The following NCOA2 variants were observed in gnomAD, a reference collection of about 807,000 sequenced individuals.
NCOA2 encodes nuclear receptor coactivator 2, also known as class E basic helix-loop-helix protein 75.
NCOA2 carries 21 observed loss-of-function variants against 145.1 expected under a neutral mutation model. The ratio of observed to expected loss-of-function variants is 0.14; its 90% CI spans 0.10 to 0.21. NCOA2 has a LOEUF of 0.21. Among genes scored for constraint, NCOA2 ranks in the 10% least tolerant of loss-of-function variants. The pLI, the probability that NCOA2 is intolerant of heterozygous loss-of-function variation, is 1.00. For missense variants in NCOA2, 1,472 were observed against 1,837.6 expected (o/e 0.80, Z 3.64); for synonymous variants, 619 against 637.5 (o/e 0.97, Z 0.44).
chr8:70,416,646 A>G, the NCOA2 span, among the ~76,000 whole-genome samples: 4 of 152,356 alleles, frequency 2.6e-5, no homozygotes, highest in African/African-American at 9.6e-5. Flanking sequence ...TATAATGAAG[A>G]GAAATGTATT....
Position 70,216,749 on chromosome 8 carries a change from G to C in NCOA2, c.-4C>G. 2 of 1,604,586 alleles carry C rather than the reference G, an allele frequency of 1.2e-6. No individual in the cohort carries two copies. Among genetic ancestry groups the C allele is most frequent in the Non-Finnish European group, 1.7e-6 (2 of 1,171,606 alleles). ...TATTTTCTCCCATCCCACTCATCTT[G>C]AACACATATCAGCAACTAAAACAGA... On this transcript the variant is annotated 5_prime_UTR_variant, in exon 3 of 23. The change creates a premature stop within an existing upstream ORF in the 5' untranslated region. Coordinates refer to ENST00000452400, the MANE Select transcript of NCOA2 (RefSeq NM_006540.4).
At chr8:70,351,858 C>T (rs1809277609) in intron 1 of NCOA2, among the ~76,000 whole-genome samples, 1 of 150,820 alleles carries the variant, frequency 6.6e-6, no homozygotes, top group Admixed American at 6.6e-5. Context: ...GCTAGGACTA[C>T]AGGTGTGAGC....
rs1823408401 is a variant in NCOA2 at position 70,253,859 on chromosome 8, T to C, written c.-19-37095A>G. ...AGGATTTGGTATTTCTTATATATGATACCAAAAGCATGGGCAATAAAAGAA... is the reference window on the plus strand; with the variant it reads ...AGGATTTGGTATTTCTTATATATGACACCAAAAGCATGGGCAATAAAAGAA... On this transcript the variant is annotated intron_variant, in intron 2 of 22. Coordinates refer to ENST00000452400, the MANE Select transcript of NCOA2 (RefSeq NM_006540.4). Among the ~76,000 whole-genome samples the C allele has an allele frequency of 2.0e-5, 3 of 152,116 alleles. No homozygotes were observed. The South Asian group carries it at 6.2e-4, about 32-fold the overall frequency.
At chr8:70,153,007 T>TGA (rs1425721247) in intron 11 of NCOA2, among the ~76,000 whole-genome samples, 2 of 152,196 alleles carry the variant, frequency 1.3e-5, no homozygotes, top group Non-Finnish European at 2.9e-5. Context: ...ACAGTGAAGG[T>TGA]GAGCAAGAGG....
intron 10 of NCOA2, 114 bp downstream of exon 10, chr8:70,159,388 TGGG>T (rs1263748974): frequency 2.2e-6 from 2 of 918,380 alleles, no homozygotes; most frequent in Non-Finnish European, 3.2e-6. Flanking sequence ...TTTACATTAC[TGGG>T]ATTGATGAGA....
At chr8:70,124,625 A>G in intron 20 of NCOA2, 63 bp downstream of exon 20, 1 of 1,471,222 alleles carries the variant, frequency 6.8e-7, no homozygotes, top group Non-Finnish European at 9.1e-7. Flanking sequence ...GCAGGCATGA[A>G]GGTGGGGGAT....
chr8:70,269,894 C>G (rs1824907233), intron 2 of NCOA2, among the ~76,000 whole-genome samples: 1 of 152,100 alleles, frequency 6.6e-6, no homozygotes, highest in African/African-American at 2.4e-5. Context: ...TTTACTGAAA[C>G]CTAATTATGA....
the NCOA2 span, among the ~76,000 whole-genome samples, chr8:70,435,774 G>A: frequency 6.7e-6 from 1 of 148,734 alleles, no homozygotes; most frequent in Non-Finnish European, 1.5e-5. Flanking sequence ...ATTTTATCTT[G>A]TTACATTTAT....
intron 1 of NCOA2, among the ~76,000 whole-genome samples, chr8:70,366,252 G>A (rs1239522483): frequency 6.6e-6 from 1 of 152,104 alleles, no homozygotes; most frequent in African/African-American, 2.4e-5. Flanking sequence ...TCCCAAAAGT[G>A]AAGTATGTGG....
At chr8:70,301,942 AG>A (rs1827540763) in intron 1 of NCOA2, among the ~76,000 whole-genome samples, 1 of 152,200 alleles carries the variant, frequency 6.6e-6, no homozygotes, top group Admixed American at 6.5e-5. Context: ...CAATAGTTCC[AG>A]CCAAGCACAT....
In NCOA2 at chr8:70,156,403, G is replaced by A. The variant is rs1265152027; in HGVS notation, c.1962C>T (p.Pro654=). 1.2e-6 allele frequency: 2 copies of A among 1,613,980 alleles called. No homozygotes were observed. The highest frequency in any genetic ancestry group is 2.2e-5 in the South Asian group (2 of 91,080). The part of the protein sequence containing the change: ...LLTTKSDQME[P]SPLASSLSDT... Reference sequence around the variant, plus strand: ...CCGACAAAGAGCTGGCTAAGGGCGAGGGCTCCATCTGATCAGATTTGGTGG... The same window carrying A: ...CCGACAAAGAGCTGGCTAAGGGCGAAGGCTCCATCTGATCAGATTTGGTGG... The change falls in exon 11 of 23, where the codon CCC becomes CCT. Residue 654 remains proline (P), a synonymous_variant. Transcript: ENST00000452400.
rs115895512 is a variant in NCOA2 at position 70,325,499 on chromosome 8, C to G, written c.-76-28699G>C. ...AGTACAGTGGCGTAATCTCGGCACA[C>G]TGCAGCCTCAACCTCCTCTGGCTCA... On this transcript the variant is annotated intron_variant, in intron 1 of 22. Coordinates refer to ENST00000452400, the MANE Select transcript of NCOA2 (RefSeq NM_006540.4). Among the ~76,000 whole-genome samples, 897 of 151,982 alleles carry G rather than the reference C, an allele frequency of 5.9e-3. 5 individuals carry two copies. Among genetic ancestry groups the G allele is most frequent in the African/African-American group, 0.02 (837 of 41,422 alleles).
intron 22 of NCOA2, among the ~76,000 whole-genome samples, chr8:70,116,925 G>A (rs1807208520): frequency 6.6e-6 from 1 of 152,214 alleles, no homozygotes; most frequent in South Asian, 2.1e-4. Flanking sequence ...CTGTTCACAG[G>A]TGTAGTCATA....
intron 1 of NCOA2, among the ~76,000 whole-genome samples, chr8:70,347,987 A>G (rs1015619334): frequency 3.9e-5 from 6 of 152,254 alleles, no homozygotes; most frequent in Non-Finnish European, 8.8e-5. Flanking sequence ...ATTATTTTCA[A>G]TCAATATTTC....
chr8:70,245,796 A>AG (rs1309721494), intron 2 of NCOA2, among the ~76,000 whole-genome samples: 2 of 152,114 alleles, frequency 1.3e-5, no homozygotes, highest in African/African-American at 4.8e-5. Flanking sequence ...ATGAACAGTG[A>AG]GGGGCAGTTA....
chr8:70,304,822 G>T (rs1015723997), intron 1 of NCOA2, among the ~76,000 whole-genome samples: 1 of 150,662 alleles, frequency 6.6e-6, no homozygotes, highest in Non-Finnish European at 1.5e-5. Context: ...TTAAGACTAT[G>T]GGTAAGAAAA....
chr8:70,243,271 CCAG>C (rs1368756392), intron 2 of NCOA2, among the ~76,000 whole-genome samples: 3 of 152,056 alleles, frequency 2.0e-5, no homozygotes, highest in Non-Finnish European at 4.4e-5. Context: ...TGGATGCAGA[CCAG>C]TTAAAACTAC....
At chr8:70,301,691 TTTGTCAA>T (rs1448427721) in intron 1 of NCOA2, among the ~76,000 whole-genome samples, 2 of 147,856 alleles carry the variant, frequency 1.4e-5, no homozygotes, top group East Asian at 4.0e-4. Context: ...GAAAGATATG[TTTGTCAA>T]CTCAAAACAA....
intron 11 of NCOA2, among the ~76,000 whole-genome samples, chr8:70,154,857 G>A (rs1335741353): frequency 2.0e-5 from 3 of 152,186 alleles, no homozygotes; most frequent in Non-Finnish European, 4.4e-5. Flanking sequence ...GTAAGTTCAA[G>A]AGATCTATTG....
Sources: gnomAD v4.1 joint callset for allele counts (sites outside exome capture counted in the v4.1 genomes callset) on GRCh38, gnomAD v4.1.1 for gene constraint, MANE v1.5 for transcripts, NCBI Gene and HGNC (gene_info 2026-07-23, HGNC 2026-07-21) for gene names.